NCKAP5: variants seen among roughly 807,000 people sequenced by gnomAD.
The protein encoded by NCKAP5 is NCK associated protein 5.
A neutral mutation model predicts 167.0 loss-of-function variants in NCKAP5; 92 were observed. The observed-to-expected ratio is 0.55, with a 90% CI of 0.47 to 0.66. NCKAP5 has a LOEUF of 0.66. Ranked by LOEUF, NCKAP5 falls within the 30% of genes least tolerant of loss-of-function variation. NCKAP5 has a pLI of 0.00. For synonymous variants in NCKAP5, 891 were observed against 877.4 expected, an observed-to-expected ratio of 1.02 and a Z score of -0.27; for missense variants, 2,378 against 2,315.0, an observed-to-expected ratio of 1.03 and a Z score of -0.56.
intron 6 of NCKAP5, among the ~76,000 whole-genome samples, chr2:133,068,214 C>A (rs1041862759): frequency 6.6e-6 from 1 of 152,126 alleles, no homozygotes; most frequent in African/African-American, 2.4e-5. Flanking sequence ...CATACCTGAA[C>A]CTTTGTGGGC....
chr2:133,609,286 A>G, the NCKAP5 span, among the ~76,000 whole-genome samples: 24 of 152,298 alleles, frequency 1.6e-4, no homozygotes, highest in East Asian at 4.4e-3. Flanking sequence ...GTTGTTCTCC[A>G]TATCTCCACG....
chr2:133,131,630 T>C (rs1157176054), intron 5 of NCKAP5, among the ~76,000 whole-genome samples: 1 of 152,156 alleles, frequency 6.6e-6, no homozygotes, highest in Non-Finnish European at 1.5e-5. Context: ...TTAACTCCCA[T>C]AATCAGTTAC....
chr2:133,232,909 A>G (rs2087218791), intron 4 of NCKAP5, among the ~76,000 whole-genome samples: 1 of 152,244 alleles, frequency 6.6e-6, no homozygotes, highest in Non-Finnish European at 1.5e-5. Flanking sequence ...CCTTCTATAT[A>G]ATCTGAGTGT....
At chr2:132,716,475 C>T (rs1689381385) in intron 19 of NCKAP5, among the ~76,000 whole-genome samples, 2 of 152,170 alleles carry the variant, frequency 1.3e-5, no homozygotes, top group Admixed American at 6.5e-5. Flanking sequence ...TCCTTTGCTC[C>T]CCTCACCTAT....
At position 132,784,433 on chromosome 2, in the gene NCKAP5, C is replaced by T. The variant is rs764385280; in HGVS notation, c.2378G>A (p.Gly793Asp). 5 of 1,610,560 alleles carry T rather than the reference C, an allele frequency of 3.1e-6. No individual in the cohort carries two copies. The highest frequency in any genetic ancestry group is 1.1e-5 in the South Asian group (1 of 90,532). The change falls in exon 14 of 20, where the codon GGC becomes GAC. Residue 793 changes from glycine (G) to aspartate (D), a missense_variant. Coordinates refer to ENST00000409261, the MANE Select transcript of NCKAP5 (RefSeq NM_207363.3). ...TGTCAGATTTTGCTTTTGATAGATG[C>T]CCATGGGTGCCGAAGACCTGGAATT... ...QSNSRSSAPM[G>D]IYQKQNLTKI...
intron 7 of NCKAP5, among the ~76,000 whole-genome samples, chr2:132,984,704 A>G (rs2077239849): frequency 6.6e-6 from 1 of 152,010 alleles, no homozygotes. Context: ...TCCTCATTCC[A>G]AAACTATATT....
intron 9 of NCKAP5, among the ~76,000 whole-genome samples, chr2:132,876,709 CCT>C (rs1209593648): frequency 5.3e-5 from 8 of 152,198 alleles, no homozygotes; most frequent in Non-Finnish European, 8.8e-5. Flanking sequence ...TCACAAATCA[CCT>C]CTTTGGCAAC....
chr2:132,673,283 GT>G lies in NCKAP5; in HGVS notation c.*5del. On this transcript the variant is annotated 3_prime_UTR_variant, in exon 20 of 20. Coordinates refer to ENST00000409261, the MANE Select transcript of NCKAP5 (RefSeq NM_207363.3). ...TAATCTATTCTCGGGATCGTCTTTT[GT>G]TTCTTCAAGTTGTCTCAATTTCTGC... 2 of 1,499,142 alleles carry G rather than the reference GT, an allele frequency of 1.3e-6. No individual in the cohort carries two copies. Among genetic ancestry groups the G allele is most frequent in the Non-Finnish European group, 8.9e-7 (1 of 1,119,034 alleles). The allele number at this position is 1,499,142 out of a possible 1,614,324, so 92.9% of individuals were successfully genotyped here.
At chr2:132,871,372 G>A (rs991625674) in intron 9 of NCKAP5, among the ~76,000 whole-genome samples, 1 of 152,144 alleles carries the variant, frequency 6.6e-6, no homozygotes, top group African/African-American at 2.4e-5. Flanking sequence ...GTTGAATCAG[G>A]AACAAGGTAC....
intron 10 of NCKAP5, among the ~76,000 whole-genome samples, chr2:132,863,966 C>T (rs116466920): frequency 0.017 from 2,601 of 152,278 alleles, 71 homozygotes; most frequent in African/African-American, 0.06. Context: ...TCTTAGCTTC[C>T]TCTATGCTCC....
intron 15 of NCKAP5, among the ~76,000 whole-genome samples, chr2:132,774,358 T>G (rs1682360732): frequency 1.3e-5 from 2 of 152,256 alleles, no homozygotes; most frequent in African/African-American, 4.8e-5. Flanking sequence ...TTAGGTCTGC[T>G]GGCTCTTTCC....
chr2:133,347,193 C>A (rs368632210), intron 3 of NCKAP5, among the ~76,000 whole-genome samples: 4 of 152,234 alleles, frequency 2.6e-5, no homozygotes, highest in African/African-American at 9.6e-5. Flanking sequence ...CTTTTTGGTG[C>A]TTTTCTCAAC....
chr2:133,099,954 C>A (rs1252822086), intron 6 of NCKAP5, among the ~76,000 whole-genome samples: 4 of 152,214 alleles, frequency 2.6e-5, no homozygotes, highest in Non-Finnish European at 5.9e-5. Flanking sequence ...TGATCTACGG[C>A]CCACTAGCTT....
At chr2:133,642,957 A>G in the NCKAP5 span, among the ~76,000 whole-genome samples, 27 of 152,240 alleles carry the variant, frequency 1.8e-4, no homozygotes, top group African/African-American at 6.3e-4. Context: ...ACTTTGAGGA[A>G]GAATGCCATC....
chr2:132,948,498 G>A (rs1438107562), intron 8 of NCKAP5, among the ~76,000 whole-genome samples: 1 of 152,198 alleles, frequency 6.6e-6, no homozygotes, highest in Non-Finnish European at 1.5e-5. Flanking sequence ...ACCAGCAGCG[G>A]CTGACAGGCA....
At chr2:133,092,301 G>A (rs934631171) in intron 6 of NCKAP5, among the ~76,000 whole-genome samples, 2 of 152,112 alleles carry the variant, frequency 1.3e-5, no homozygotes, top group Non-Finnish European at 2.9e-5. Flanking sequence ...TACAGCAGAG[G>A]AAGATGGCCT....
intron 11 of NCKAP5, among the ~76,000 whole-genome samples, chr2:132,811,954 T>C (rs1428932011): frequency 6.6e-6 from 1 of 152,192 alleles, no homozygotes; most frequent in African/African-American, 2.4e-5. Context: ...TTTCTGCTGC[T>C]TCTTCTACCC....
At position 132,781,133 on chromosome 2, in the gene NCKAP5, G is replaced by A. The variant is rs766384798; in HGVS notation, c.4968C>T (p.Ile1656=). The A allele has an allele frequency of 3.1e-5, 50 of 1,613,782 alleles. 1 individual carries two copies. Among genetic ancestry groups the A allele is most frequent in the South Asian group, 1.9e-4 (17 of 91,062 alleles). ...TTCCTTGAGTACTGATAGAGCTGCC[G>A]ATGAGACAGGAGCCCTGAGAACTGC... ...LKGSSQGSCL[I]GSSISTQGNH... The change falls in exon 15 of 20, where the codon ATC becomes ATT. Residue 1656 remains isoleucine (I), a synonymous_variant. Transcript: ENST00000409261.
chr2:133,399,168 G>C (rs769974691), intron 3 of NCKAP5, among the ~76,000 whole-genome samples: 12 of 152,136 alleles, frequency 7.9e-5, no homozygotes, highest in Non-Finnish European at 1.6e-4. Context: ...CCCTGATGAG[G>C]TTCTGCTTCT....
Sources: gnomAD v4.1 joint callset for allele counts (sites outside exome capture counted in the v4.1 genomes callset) on GRCh38, gnomAD v4.1.1 for gene constraint, MANE v1.5 for transcripts, NCBI Gene and HGNC (gene_info 2026-07-23, HGNC 2026-07-21) for gene names.